The following PDE4B variants were observed in gnomAD, a reference collection of about 807,000 sequenced individuals.
PDE4B encodes the protein 3',5'-cyclic-AMP phosphodiesterase 4B.
A neutral mutation model predicts 82.2 loss-of-function variants in PDE4B; 20 were observed. The observed-to-expected ratio is 0.24, with a 90% CI of 0.17 to 0.35. The LOEUF is 0.35. PDE4B is among the 10% of genes least tolerant of loss of function. The probability of loss-of-function intolerance (pLI) is 1.00; values close to 1 mark genes in which losing one functional copy is unlikely to be tolerated. For synonymous variants in PDE4B, 320 were observed against 318.9 expected (o/e 1.00, Z -0.04); for missense variants, 655 against 907.2 (o/e 0.72, Z 3.57).
chr1:66,309,046 A>T (rs1033443205), intron 7 of PDE4B, among the ~76,000 whole-genome samples: 2 of 152,172 alleles, frequency 1.3e-5, no homozygotes, highest in Non-Finnish European at 2.9e-5. Context: ...ACATTTTGAA[A>T]CAAACAAACA....
chr1:65,877,101 T>G (rs1646653501), intron 1 of PDE4B, among the ~76,000 whole-genome samples: 1 of 152,074 alleles, frequency 6.6e-6, no homozygotes, highest in Non-Finnish European at 1.5e-5. Context: ...GCCAAGACAA[T>G]ACTAAGCAAA....
At chr1:66,150,845 T>C (rs995291932) in intron 3 of PDE4B, among the ~76,000 whole-genome samples, 1 of 152,214 alleles carries the variant, frequency 6.6e-6, no homozygotes, top group Non-Finnish European at 1.5e-5. Context: ...TAATTAACTT[T>C]CGTATGTTAA....
At chr1:66,337,776 A>C (rs1282044258) in intron 8 of PDE4B, among the ~76,000 whole-genome samples, 1 of 152,198 alleles carries the variant, frequency 6.6e-6, no homozygotes, top group Non-Finnish European at 1.5e-5. Context: ...TAGAATTAAA[A>C]TCAGTTCTGG....
At chr1:66,009,432 T>C (rs542520465) in intron 3 of PDE4B, among the ~76,000 whole-genome samples, 132 of 152,312 alleles carry the variant, frequency 8.7e-4, no homozygotes, top group African/African-American at 3.0e-3. Context: ...AGTGATCCTT[T>C]ATATTATCTG....
chr1:66,123,945 C>T (rs1451006768), intron 3 of PDE4B, among the ~76,000 whole-genome samples: 1 of 152,132 alleles, frequency 6.6e-6, no homozygotes. Context: ...TTGTTCAGCT[C>T]ATGAAAGTTT....
intron 3 of PDE4B, among the ~76,000 whole-genome samples, chr1:66,240,073 G>A (rs1159135148): frequency 1.3e-5 from 2 of 152,240 alleles, no homozygotes; most frequent in Admixed American, 6.5e-5. Flanking sequence ...CTCCCTGCAG[G>A]TGGTATTTGG....
chr1:66,312,337 G>C (rs1173699341), intron 7 of PDE4B, among the ~76,000 whole-genome samples: 1 of 151,736 alleles, frequency 6.6e-6, no homozygotes, highest in Non-Finnish European at 1.5e-5. Context: ...GTTTTGGCAA[G>C]GCTGCGTTTC....
At chr1:66,202,425 C>T (rs1430418204) in intron 3 of PDE4B, among the ~76,000 whole-genome samples, 1 of 152,124 alleles carries the variant, frequency 6.6e-6, no homozygotes, top group Non-Finnish European at 1.5e-5. Flanking sequence ...TCTCGTTGAT[C>T]TGTCTAATGT....
Position 66,007,439 on chromosome 1 carries a change from C to T in PDE4B, c.281+88604C>T, listed in dbSNP as rs191646958. Among the ~76,000 whole-genome samples the T allele has an allele frequency of 1.1e-4, 17 of 151,944 alleles. No homozygotes were observed. The South Asian group carries it at 2.5e-3, about 22-fold the overall frequency. ...AGCCTGGGTGACAGAACAAGAAAAACGAACAAAACAACCCCCCCCAACCAA... is the reference window on the plus strand; with the variant it reads ...AGCCTGGGTGACAGAACAAGAAAAATGAACAAAACAACCCCCCCCAACCAA... On this transcript the variant is annotated intron_variant, in intron 3 of 16. Transcript: ENST00000341517.
intron 2 of PDE4B, among the ~76,000 whole-genome samples, chr1:65,918,024 C>T (rs1334082386): frequency 1.3e-5 from 2 of 151,996 alleles, no homozygotes; most frequent in African/African-American, 2.4e-5. Context: ...ATTAGCCGGG[C>T]GTTGTGGTGT....
intron 3 of PDE4B, among the ~76,000 whole-genome samples, chr1:66,096,490 C>T (rs555729816): frequency 3.6e-4 from 19 of 52,964 alleles, no homozygotes; most frequent in South Asian, 1.8e-3. Flanking sequence ...TAATTAAATG[C>T]GGTATAAGTA....
chr1:65,879,677 G>A (rs1310517258), intron 1 of PDE4B, among the ~76,000 whole-genome samples: 2 of 152,100 alleles, frequency 1.3e-5, no homozygotes, highest in South Asian at 2.1e-4. Flanking sequence ...AAACTACAAC[G>A]GGAATTGTAT....
chr1:66,089,632 C>T (rs1644971699), intron 3 of PDE4B, among the ~76,000 whole-genome samples: 1 of 151,980 alleles, frequency 6.6e-6, no homozygotes, highest in Non-Finnish European at 1.5e-5. Context: ...GTTGCTTAGC[C>T]AGTCACCTTG....
intron 4 of PDE4B, among the ~76,000 whole-genome samples, chr1:66,249,372 T>G (rs978235183): frequency 1.1e-4 from 16 of 152,316 alleles, no homozygotes; most frequent in African/African-American, 3.6e-4. Flanking sequence ...CCCCAAAAAC[T>G]AATTCCCTGG....
intron 1 of PDE4B, among the ~76,000 whole-genome samples, chr1:65,840,242 GA>G (rs1241731794): frequency 6.6e-6 from 1 of 151,994 alleles, no homozygotes; most frequent in Non-Finnish European, 1.5e-5. Flanking sequence ...AGAAGCAAAT[GA>G]ACATAAATTC....
chr1:66,156,765 G>A (rs894976121), intron 3 of PDE4B, among the ~76,000 whole-genome samples: 1 of 152,112 alleles, frequency 6.6e-6, no homozygotes, highest in Non-Finnish European at 1.5e-5. Flanking sequence ...CATTAGGAAT[G>A]CCCATCGTGT....
At chr1:66,187,546 C>A (rs901982941) in intron 3 of PDE4B, among the ~76,000 whole-genome samples, 2 of 152,206 alleles carry the variant, frequency 1.3e-5, no homozygotes, top group Non-Finnish European at 2.9e-5. Context: ...TTAACTTCTT[C>A]CTGGTTTAGT....
intron 3 of PDE4B, among the ~76,000 whole-genome samples, chr1:66,055,195 T>C (rs1655231472): frequency 1.3e-5 from 2 of 152,214 alleles, no homozygotes; most frequent in South Asian, 4.1e-4. Context: ...ATTTCTAGAC[T>C]CTGTCTTTGA....
At chr1:66,116,189 G>A (rs1211218101) in intron 3 of PDE4B, among the ~76,000 whole-genome samples, 1 of 126,470 alleles carries the variant, frequency 7.9e-6, no homozygotes, top group Non-Finnish European at 1.6e-5. Flanking sequence ...TGAAAACCTT[G>A]TCAAATTATC....
Sources: gnomAD v4.1 joint callset for allele counts (sites outside exome capture counted in the v4.1 genomes callset) on GRCh38, gnomAD v4.1.1 for gene constraint, MANE v1.5 for transcripts, NCBI Gene and HGNC (gene_info 2026-07-23, HGNC 2026-07-21) for gene names.